Variants in CS observed in about 807,000 individuals in gnomAD.
CS encodes the protein citrate synthase, also known as citrate synthase, mitochondrial.
CS carries 13 observed loss-of-function variants against 61.4 expected under a neutral mutation model. That is an observed-to-expected ratio of 0.21 (90% confidence interval 0.14 to 0.34). The LOEUF (loss-of-function observed/expected upper bound fraction) is 0.34, where lower values mean the gene tolerates loss of function less well. Ranked by LOEUF, CS falls within the 10% of genes least tolerant of loss-of-function variation. CS has a pLI of 1.00. For synonymous variants in CS, 159 were observed against 215.2 expected (o/e 0.74, Z 2.29); for missense variants, 278 against 573.4 (o/e 0.48, Z 5.26).
chr12:56,291,109 TTAAG>T, intron 1 of CS: 1 of 474,362 alleles, frequency 2.1e-6, no homozygotes, highest in Non-Finnish European at 3.3e-6. Flanking sequence ...TTCAGAGTAG[TTAAG>T]TAAACTAAAT....
rs1192906494 is a variant in CS at position 56,272,257 on chromosome 12, T to TAC, written c.*826_*827insGT. Reference sequence around the variant, plus strand: ...GGGGAGGTCAGAAGGTAGTGGCTTGTATTCTGTGGAAGTAAAAAACTTAGT... The same window carrying TAC: ...GGGGAGGTCAGAAGGTAGTGGCTTGTACATTCTGTGGAAGTAAAAAACTTAGT... On this transcript the variant is annotated 3_prime_UTR_variant, in exon 11 of 11. Coordinates refer to ENST00000351328, the MANE Select transcript of CS (RefSeq NM_004077.3). 47 of 194,006 alleles carry TAC rather than the reference T, an allele frequency of 2.4e-4. No homozygotes were observed. The highest frequency in any genetic ancestry group is 1.1e-3 in the African/African-American group (45 of 42,162). The allele number at this position is 194,006 out of a possible 1,614,324, so 12.0% of individuals were successfully genotyped here. A position where few individuals can be genotyped will look rare whatever the true frequency, so the allele number is the denominator to read the frequency against.
chr12:56,283,879 G>GA, intron 3 of CS, 22 bp from the exon 4 acceptor site: 1 of 1,571,726 alleles, frequency 6.4e-7, no homozygotes, highest in Admixed American at 1.8e-5. Context: ...GAAGAAAGAA[G>GA]GAAAAAAAAA....
At chr12:56,294,360 G>A (rs536108548) in intron 1 of CS, among the ~76,000 whole-genome samples, 7 of 150,488 alleles carry the variant, frequency 4.7e-5, no homozygotes, top group African/African-American at 1.7e-4. Flanking sequence ...TGTAATCTCA[G>A]CTAACCGGGA....
At chr12:56,275,318 T>C in intron 7 of CS, 187 bp from the exon 8 acceptor site, 1 of 647,996 alleles carries the variant, frequency 1.5e-6, no homozygotes, top group East Asian at 3.0e-5. Context: ...CTCACGCCTA[T>C]AATCCTAGCA....
intron 1 of CS, among the ~76,000 whole-genome samples, chr12:56,287,074 G>A (rs1349217475): frequency 2.0e-5 from 3 of 152,126 alleles, no homozygotes; most frequent in African/African-American, 4.8e-5. Context: ...CTTTCATAAC[G>A]GTACTTCTGA....
intron 5 of CS, 108 bp from the exon 6 acceptor site, chr12:56,282,716 A>G (rs1565621141): frequency 1.3e-6 from 2 of 1,519,542 alleles, no homozygotes; most frequent in Non-Finnish European, 1.8e-6. Context: ...GGTCAACCCA[A>G]TCCATTTATA....
At chr12:56,275,707 C>T (rs1872608551) in intron 7 of CS, 10 of 463,702 alleles carry the variant, frequency 2.2e-5, no homozygotes, top group Non-Finnish European at 3.9e-5. Context: ...TAGCAATGGC[C>T]CCAAAGAGCG....
rs762852969 is a variant in CS at position 56,300,226 on chromosome 12, G to T, written c.-25C>A. The T allele has an allele frequency of 6.4e-6, 10 of 1,553,384 alleles. No individual in the cohort carries two copies. Among genetic ancestry groups the T allele is most frequent in the Non-Finnish European group, 8.7e-6 (10 of 1,150,702 alleles). On this transcript the variant is annotated 5_prime_UTR_variant, in exon 1 of 11. Transcript: ENST00000351328. ...TGGCGGGCGATCTCCGGGATCTGGT[G>T]GGGAGGTAAGAAAGGGAGAGAGCTG...
At position 56,275,056 on chromosome 12, in the gene CS, G is replaced by A. The variant is rs773614194; in HGVS notation, c.864C>T (p.Ser288=). 3 of 1,614,224 alleles carry A rather than the reference G, an allele frequency of 1.9e-6. No homozygotes were observed. The highest frequency in any genetic ancestry group is 2.5e-6 in the Non-Finnish European group (3 of 1,180,038). The change falls in exon 8 of 11, where the codon TCC becomes TCT. Residue 288 remains serine, a synonymous_variant. Coordinates refer to ENST00000351328, the MANE Select transcript of CS (RefSeq NM_004077.3). ...VGSALSDPYL[S]FAAAMNGLAG... Reference sequence around the variant, plus strand: ...CCAGCCCGTTCATGGCTGCTGCAAAGGACAGGTAAGGGTCGGAAAGGGCAC... The same window carrying A: ...CCAGCCCGTTCATGGCTGCTGCAAAAGACAGGTAAGGGTCGGAAAGGGCAC...
rs1403678672 is a variant in CS at position 56,284,553 on chromosome 12, G to A, written c.202-696C>T. 2.6e-5 allele frequency among the ~76,000 whole-genome samples: 4 copies of A among 151,354 alleles called. No individual in the cohort carries two copies. The East Asian group carries it at 7.8e-4, about 30-fold the overall frequency. ...AGCCTCCTGAGTAGCTGGGATTATA[G>A]GCACGTGCCACCATGTCTGGCTAAT... is the stretch of plus-strand genomic sequence containing the variant. On this transcript the variant is annotated intron_variant, in intron 3 of 10. Transcript: ENST00000351328.
intron 6 of CS, among the ~76,000 whole-genome samples, chr12:56,276,938 G>A (rs1872636410): frequency 6.6e-6 from 1 of 152,160 alleles, no homozygotes; most frequent in South Asian, 2.1e-4. Flanking sequence ...GGCAGCTCAT[G>A]CCTATAATGC....
At chr12:56,283,458 C>T (rs1200249392) in intron 4 of CS, among the ~76,000 whole-genome samples, 2 of 151,988 alleles carry the variant, frequency 1.3e-5, no homozygotes, top group South Asian at 2.1e-4. Flanking sequence ...TTAGCCAGGA[C>T]GGTCTCAACC....
At chr12:56,282,718 C>T (rs994475802) in intron 5 of CS, 110 bp from the exon 6 acceptor site, 2 of 1,518,808 alleles carry the variant, frequency 1.3e-6, no homozygotes, top group South Asian at 2.5e-5. Flanking sequence ...TCAACCCAAT[C>T]CATTTATACA....
At chr12:56,291,050 T>C (rs769334203) in intron 1 of CS, among the ~76,000 whole-genome samples, 2 of 152,198 alleles carry the variant, frequency 1.3e-5, no homozygotes, top group African/African-American at 2.4e-5. Flanking sequence ...TAACCTAATT[T>C]CTAAGTCTCA....
chr12:56,290,192 G>A lies in CS; in HGVS notation c.43-3547C>T, dbSNP rs111532796. Among the ~76,000 whole-genome samples, 14 of 151,028 alleles carry A rather than the reference G, an allele frequency of 9.3e-5. 1 individual carries two copies. Among genetic ancestry groups the A allele is most frequent in the African/African-American group, 2.4e-4 (10 of 41,142 alleles). ...ATTACAGGTATGAGCCACAGTGCCC[G>A]GAAGATTTTATGTTTTTTTGTTTGT... On this transcript the variant is annotated intron_variant, in intron 1 of 10. Transcript: ENST00000351328.
intron 2 of CS, chr12:56,286,305 C>T: frequency 1.9e-6 from 1 of 527,814 alleles, no homozygotes; most frequent in Non-Finnish European, 3.3e-6. Context: ...AAACCATATA[C>T]TTAAAAATGA....
chr12:56,294,830 A>T (rs1873245068), intron 1 of CS, among the ~76,000 whole-genome samples: 1 of 152,066 alleles, frequency 6.6e-6, no homozygotes, highest in South Asian at 2.1e-4. Context: ...GTGCAGTGGC[A>T]TGATCTCAGC....
intron 9 of CS, 183 bp downstream of exon 9, chr12:56,274,594 G>C: frequency 1.9e-6 from 1 of 521,706 alleles, no homozygotes; most frequent in Non-Finnish European, 3.3e-6. Context: ...CTCCCAAGTA[G>C]GTGGGACTAC....
Position 56,300,311 on chromosome 12 carries a change from T to G in CS, c.-110A>C. The G allele has an allele frequency of 8.3e-7, 1 of 1,209,494 alleles. No individual in the cohort carries two copies. The highest frequency in any genetic ancestry group is 1.2e-6 in the Non-Finnish European group (1 of 865,784). 74.9% of individuals were successfully genotyped at this position (1,209,494 alleles called of 1,614,324 possible). ...GGCCGCGCCGACGGGTTGACAAGGT[T>G]GAAAGGAGGCGGCTGAAGGAAAGAG... is the stretch of plus-strand genomic sequence containing the variant. On this transcript the variant is annotated 5_prime_UTR_variant, in exon 1 of 11. Transcript: ENST00000351328.
Sources: gnomAD v4.1 joint callset for allele counts (sites outside exome capture counted in the v4.1 genomes callset) on GRCh38, gnomAD v4.1.1 for gene constraint, MANE v1.5 for transcripts, NCBI Gene and HGNC (gene_info 2026-07-23, HGNC 2026-07-21) for gene names.